The following CDKL5 variants were observed in gnomAD, a reference collection of about 807,000 sequenced individuals.
CDKL5 encodes the protein cyclin dependent kinase like 5.
CDKL5 carries 8 observed loss-of-function variants against 61.7 expected under a neutral mutation model. The ratio of observed to expected loss-of-function variants is 0.13; its 90% CI spans 0.08 to 0.23. The LOEUF (loss-of-function observed/expected upper bound fraction) is 0.23. Among genes scored for constraint, CDKL5 ranks in the 10% least tolerant of loss-of-function variants. CDKL5 has a pLI of 1.00. For missense variants in CDKL5, 440 were observed against 734.5 expected, an observed-to-expected ratio of 0.60 and a Z score of 4.63; for synonymous variants, 275 against 272.3, an observed-to-expected ratio of 1.01 and a Z score of -0.10.
intron 1 of CDKL5, among the ~76,000 whole-genome samples, chrX:18,451,233 C>G (rs1443451049): frequency 9.0e-6 from 1 of 111,530 alleles, no homozygotes; most frequent in East Asian, 2.8e-4. Flanking sequence ...CTCTTGTTGC[C>G]CAGGCTAGAG....
At chrX:18,518,388 ATTTTTTTTTTTTTTTTTT>A (rs779361711) in intron 3 of CDKL5, among the ~76,000 whole-genome samples, 50 of 21,163 alleles carry the variant, frequency 2.4e-3, no homozygotes, top group Admixed American at 8.4e-3. Flanking sequence ...TTCTTTTCTT[ATTTTTTTTTTTTTTTTTT>A]TTTTTTTTTT....
chrX:18,607,587 C>T (rs774019757), intron 12 of CDKL5, among the ~76,000 whole-genome samples: 1 of 111,652 alleles, frequency 9.0e-6, no homozygotes, highest in Admixed American at 9.5e-5. Flanking sequence ...ACTGTGAAGG[C>T]CAGTTCAGGA....
chrX:18,444,072 C>G (rs1221560505), intron 1 of CDKL5: 4 of 102,644 alleles, frequency 3.9e-5, no homozygotes, highest in African/African-American at 1.4e-4. Flanking sequence ...TTTTTTTGAT[C>G]TTCAGGGTTT....
chrX:18,499,955 C>G (rs1231360212), intron 1 of CDKL5, among the ~76,000 whole-genome samples: 2 of 111,462 alleles, frequency 1.8e-5, no homozygotes, highest in African/African-American at 6.5e-5. Context: ...GTGGCTTTAA[C>G]AATCTGAATG....
At chrX:18,462,822 G>A (rs953928920) in intron 1 of CDKL5, among the ~76,000 whole-genome samples, 1 of 110,964 alleles carries the variant, frequency 9.0e-6, no homozygotes, top group Non-Finnish European at 1.9e-5. Context: ...TCAGGAGTTC[G>A]TGACCAGCCT....
intron 1 of CDKL5, among the ~76,000 whole-genome samples, chrX:18,497,966 C>T (rs1922241718): frequency 9.4e-6 from 1 of 106,260 alleles, no homozygotes; most frequent in South Asian, 4.3e-4. Context: ...TAGAGGTGTT[C>T]GCCACCAACG....
At chrX:18,583,593 TTG>T (rs1170102756) in intron 7 of CDKL5, among the ~76,000 whole-genome samples, 3 of 111,909 alleles carry the variant, frequency 2.7e-5, no homozygotes, top group Non-Finnish European at 5.6e-5. Flanking sequence ...TGAACCTATG[TTG>T]TGTTTGGTGA....
chrX:18,489,771 C>T (rs1181163513), intron 1 of CDKL5, among the ~76,000 whole-genome samples: 1 of 110,233 alleles, frequency 9.1e-6, no homozygotes, highest in African/African-American at 3.3e-5. Context: ...TGTAGGGGGC[C>T]AGGCGTGGTG....
intron 3 of CDKL5, among the ~76,000 whole-genome samples, chrX:18,532,039 G>T (rs763092303): frequency 8.8e-4 from 99 of 111,921 alleles, no homozygotes; most frequent in African/African-American, 3.2e-3. Context: ...CAGGAGTGAT[G>T]GTATCCAAGC....
rs1926619731 is a variant in CDKL5 at position 18,613,235 on chromosome X, G to A, written c.2236G>A (p.Gly746Arg). 1.7e-6 allele frequency: 2 copies of A among 1,204,148 alleles called. No individual in the cohort carries two copies. The highest frequency in any genetic ancestry group is 2.2e-6 in the Non-Finnish European group (2 of 890,489). The change falls in exon 15 of 18, where the codon GGA becomes AGA. Residue 746 changes from glycine to arginine, a missense_variant. Gly to Arg is a moderately radical substitution (Grantham distance 125). Transcript: ENST00000623535. ...TTCTCTACCATCAGAGAGCAGTTCT[G>A]GAACCAACCACTCAAAAAGACAACC... ...VSSLPSESSS[G>R]TNHSKRQPAF... is the part of the protein sequence containing the mutation.
chrX:18,604,025 A>G lies in CDKL5; in HGVS notation c.1101A>G (p.Leu367=), dbSNP rs781401272. Residue 367 remains leucine (L), a synonymous_variant, in exon 12 of 18, where the codon CTA becomes CTG. Coordinates refer to ENST00000623535, the MANE Select transcript of CDKL5 (RefSeq NM_001323289.2). ...DEGLPANESF[L]NGNLAGASLS... is the part of the protein sequence containing the mutation. ...GTCTCCCTGCCAATGAAAGCTTCCT[A>G]AATGGAAACCTTGCTGGAGCTAGTC... 1 of 1,209,475 alleles carries G rather than the reference A, an allele frequency of 8.3e-7. No homozygotes were observed. The highest frequency in any genetic ancestry group is 1.8e-5 in the South Asian group (1 of 56,754).
At chrX:18,646,137 G>A (rs1320895571) in intron 20 of CDKL5, 1 of 1,209,461 alleles carries the variant, frequency 8.3e-7, no homozygotes. Flanking sequence ...AACGACCCTA[G>A]ACTACTGAAT....
downstream of CDKL5, among the ~76,000 whole-genome samples, chrX:18,642,798 G>GGGAGGC (rs1927631207): frequency 9.0e-6 from 1 of 110,608 alleles, no homozygotes; most frequent in Admixed American, 9.6e-5. Flanking sequence ...CCAGCACTTT[G>GGGAGGC]GGAGGCGGAG....
Position 18,629,219 on chromosome X carries a change from G to C in CDKL5, c.*462G>C, listed in dbSNP as rs1382206806. 4.0e-6 allele frequency: 3 copies of C among 751,445 alleles called. No homozygotes were observed. The African/African-American group carries it at 7.0e-5, about 17-fold the overall frequency. 61.9% of individuals were successfully genotyped at this position (751,445 alleles called of 1,213,427 possible). A position where few individuals can be genotyped will look rare whatever the true frequency, so the allele number is the denominator to read the frequency against. Reference sequence around the variant, plus strand: ...GTAATCCAAGAGTATCCCTTTGAAGGGTTAGCAGATGAACTGTATGTCTTA... The same window carrying C: ...GTAATCCAAGAGTATCCCTTTGAAGCGTTAGCAGATGAACTGTATGTCTTA... On this transcript the variant is annotated 3_prime_UTR_variant, in exon 18 of 18. Transcript: ENST00000623535.
At chrX:18,430,947 C>T (rs1056869667) in intron 1 of CDKL5, among the ~76,000 whole-genome samples, 1 of 108,973 alleles carries the variant, frequency 9.2e-6, no homozygotes, top group East Asian at 2.9e-4. Context: ...CCGCAACCTC[C>T]GCCCCCCAGG....
At chrX:18,588,325 G>A (rs1925711062) in intron 9 of CDKL5, 182 bp downstream of exon 9, 2 of 362,958 alleles carry the variant, frequency 5.5e-6, no homozygotes, top group Non-Finnish European at 9.3e-6. Flanking sequence ...GATTTAAAAA[G>A]TGGTTAGAAT....
rs775808084 is a variant in CDKL5, at chrX:18,653,560, G to C, written c.*16G>C. 3.3e-6 allele frequency: 4 copies of C among 1,208,574 alleles called. No homozygotes were observed. The South Asian group carries it at 7.1e-5, about 21-fold the overall frequency. On this transcript the variant is annotated 3_prime_UTR_variant, in exon 22 of 22. Transcript: ENST00000379989. ...GGGCAAGTGACTTCTGCAAGCCTGC[G>C]GCTGGTCCCAATGCCCTGAATCACC...
chrX:18,559,850 T>G (rs2147129003), intron 3 of CDKL5, among the ~76,000 whole-genome samples: 1 of 100,065 alleles, frequency 1.0e-5, no homozygotes, highest in Admixed American at 1.1e-4. Context: ...GTTCTCATTG[T>G]TCAGTTCCCA....
intron 3 of CDKL5, among the ~76,000 whole-genome samples, chrX:18,529,539 T>A: frequency 9.0e-6 from 1 of 111,508 alleles, no homozygotes; most frequent in Non-Finnish European, 1.9e-5. Flanking sequence ...TAAAGCATTT[T>A]TAAAGGGCAG....
Sources: gnomAD v4.1 joint callset for allele counts (sites outside exome capture counted in the v4.1 genomes callset) on GRCh38, gnomAD v4.1.1 for gene constraint, MANE v1.5 for transcripts, NCBI Gene and HGNC (gene_info 2026-07-23, HGNC 2026-07-21) for gene names.